Variants in RNF213 observed in about 807,000 individuals in gnomAD.
RNF213 encodes the protein E3 ubiquitin-protein ligase RNF213.
Under a neutral mutation model 514.4 loss-of-function variants are expected in RNF213, and 341 were observed. The ratio of observed to expected loss-of-function variants is 0.66; its 90% CI spans 0.61 to 0.73. The LOEUF is 0.73. Ranked by LOEUF, RNF213 falls within the 30% of genes least tolerant of loss-of-function variation. The probability of loss-of-function intolerance (pLI) is 0.00; values close to 1 mark genes in which losing one functional copy is unlikely to be tolerated. For missense variants in RNF213, 5,767 were observed against 6,615.6 expected (o/e 0.87, Z 4.45); for synonymous variants, 2,655 against 2,658.2 (o/e 1.00, Z 0.04).
chr17:80,345,064 A>G lies in RNF213; in HGVS notation c.6729A>G (p.Thr2243=), dbSNP rs1198419869. Residue 2243 remains threonine, a synonymous_variant, in exon 29 of 68, where the codon ACA becomes ACG. Transcript: ENST00000582970. This position sits in a 1 kb window ranked among gnomAD's most constrained non-coding sequence, Gnocchi z 6.0. The part of the protein sequence containing the change: ...LFCNPSFIGD[T]LRGFKKFVVT... ...GCAATCCGAGTTTTATTGGCGACAC[A>G]CTGAGGGGCTTCAAGAAGTTCGTGG... 6.2e-7 allele frequency: 1 copy of G among 1,614,082 alleles called. No individual in the cohort carries two copies. The highest frequency in any genetic ancestry group is 8.5e-7 in the Non-Finnish European group (1 of 1,180,006).
In RNF213 at chr17:80,291,730, A is replaced by C. The variant is rs1279629998; in HGVS notation, c.1374A>C (p.Glu458Asp). ...IPYKYVIYNG[E>D]SFEYEFIYKH... ...ACAAGTACGTCATTTATAATGGGGA[A>C]TCTTTTGAGTATGAGTTCATTTACA... The change falls in exon 8 of 68, where the codon GAA (glutamate) becomes GAC (aspartate). Residue 458 changes from glutamate to aspartate, a missense_variant. This residue lies in a region of RNF213 where 592 missense variants were observed against 673.9 expected (regional missense o/e 0.88). Coordinates refer to ENST00000582970, the MANE Select transcript of RNF213 (RefSeq NM_001256071.3). 2.5e-6 allele frequency: 4 copies of C among 1,614,108 alleles called. No homozygotes were observed. The highest frequency in any genetic ancestry group is 2.5e-6 in the Non-Finnish European group (3 of 1,180,048).
chr17:80,284,201 CAA>C (rs138713917), intron 3 of RNF213, among the ~76,000 whole-genome samples: 3 of 141,118 alleles, frequency 2.1e-5, no homozygotes, highest in Admixed American at 7.1e-5. Flanking sequence ...TACAAAAATA[CAA>C]AAAAAAAAAA....
At chr17:80,273,916 G>A (rs113004646) in intron 3 of RNF213, among the ~76,000 whole-genome samples, 1,784 of 152,130 alleles carry the variant, frequency 0.012, 28 homozygotes, top group African/African-American at 0.041. Flanking sequence ...CACCGCGCCC[G>A]GCCTCCACCT....
rs1432522554 is a variant in RNF213 at position 80,285,748 on chromosome 17, G to A, written c.262-2067G>A. 2.7e-5 allele frequency among the ~76,000 whole-genome samples: 4 copies of A among 149,342 alleles called. No homozygotes were observed. The South Asian group carries it at 8.8e-4, about 33-fold the overall frequency. ...TGCAGTTGCGTAATATCGGCTGACC[G>A]CAGCCTCTGCCTCCCGGGTTCAAGC... On this transcript the variant is annotated intron_variant, in intron 3 of 67. Transcript: ENST00000582970.
rs367799805 is a variant in RNF213 at position 80,386,295 on chromosome 17, T to C, written c.14585T>C (p.Leu4862Pro). The C allele has an allele frequency of 5.0e-6, 8 of 1,613,306 alleles. No individual in the cohort carries two copies. Among genetic ancestry groups the C allele is most frequent in the African/African-American group, 1.3e-5 (1 of 75,070 alleles). The change falls in exon 62 of 68, where the codon CTG becomes CCG. Residue 4862 changes from leucine to proline, a missense_variant. Transcript: ENST00000582970. ...GACTACTGCAGCACTGACTTGGATC[T>C]GGACACTGAGTTTGAGATCCTCTTG... Reference protein sequence around the residue: ...PKDYCSTDLDLDTEFEILLPR... With the variant: ...PKDYCSTDLDPDTEFEILLPR...
chr17:80,301,545 A>G (rs8079922), intron 11 of RNF213, among the ~76,000 whole-genome samples: 26,573 of 152,184 alleles, frequency 0.17, 2,457 homozygotes, highest in African/African-American at 0.2. Flanking sequence ...ATATGAAAAA[A>G]TGATCAGCAT....
At position 80,339,499 on chromosome 17, in the gene RNF213, A is replaced by G. The variant is rs2078086121; in HGVS notation, c.5132A>G (p.Tyr1711Cys). 2 of 1,537,176 alleles carry G rather than the reference A, an allele frequency of 1.3e-6. No individual in the cohort carries two copies. Among genetic ancestry groups the G allele is most frequent in the East Asian group, 4.9e-5 (2 of 40,910 alleles). ...LNFYTAEQLVYLSTELRKQPP... is the reference protein window; with the variant it reads ...LNFYTAEQLVCLSTELRKQPP... ...TTCTACACGGCAGAGCAGCTGGTTT[A>G]CCTGAGCACTGAGCTCAGGAAGCAG... Residue 1711 changes from tyrosine to cysteine, a missense_variant, in exon 26 of 68, where the codon TAC (tyrosine) becomes TGC (cysteine). Transcript: ENST00000582970.
chr17:80,315,582 A>ATGGTGGTCG (rs2045876757), intron 15 of RNF213: 1 of 2,120 alleles, frequency 4.7e-4, no homozygotes, highest in Non-Finnish European at 8.7e-4. Flanking sequence ...AATGGAGGTG[A>ATGGTGGTCG]TGGTGGTGGT....
intron 57 of RNF213, 95 bp from the exon 58 acceptor site, chr17:80,382,884 T>C: frequency 1.3e-6 from 1 of 775,626 alleles, no homozygotes; most frequent in Non-Finnish European, 2.3e-6. Context: ...AAAACGAGTG[T>C]TATTTCTATT....
At position 80,396,798 on chromosome 17, in the gene RNF213, T is replaced by C. The variant is rs1002119389; in HGVS notation, c.*3300T>C. 5.7e-5 allele frequency: 7 copies of C among 123,704 alleles called. No homozygotes were observed. Among genetic ancestry groups the C allele is most frequent in the African/African-American group, 1.8e-4 (6 of 32,654 alleles). 7.7% of individuals were successfully genotyped at this position (123,704 alleles called of 1,614,324 possible). A position where few individuals can be genotyped will look rare whatever the true frequency, so the allele number is the denominator to read the frequency against. On this transcript the variant is annotated 3_prime_UTR_variant, in exon 68 of 68. Coordinates refer to ENST00000582970, the MANE Select transcript of RNF213 (RefSeq NM_001256071.3). ...ACACCTAATCACCCTCTCTGCAGGA[T>C]ATGCTGGGGATAGCCCTTTTGAGGA... is the stretch of plus-strand genomic sequence containing the variant.
intron 11 of RNF213, among the ~76,000 whole-genome samples, chr17:80,304,601 C>T (rs933530481): frequency 6.6e-6 from 1 of 152,082 alleles, no homozygotes; most frequent in Non-Finnish European, 1.5e-5. Flanking sequence ...GATCACACCA[C>T]TGCACTCCAG....
rs769502797 is a variant in RNF213 at position 80,372,604 on chromosome 17, A to G, written c.12621A>G (p.Ala4207=). 2 of 1,614,072 alleles carry G rather than the reference A, an allele frequency of 1.2e-6. No individual in the cohort carries two copies. Among genetic ancestry groups the G allele is most frequent in the South Asian group, 1.1e-5 (1 of 91,048 alleles). Residue 4207 remains alanine, a synonymous_variant, in exon 48 of 68, where the codon GCA becomes GCG. Coordinates refer to ENST00000582970, the MANE Select transcript of RNF213 (RefSeq NM_001256071.3). The part of the protein sequence containing the change: ...HLEEEGRFLK[A]YSPASRGREP... The stretch of plus-strand genomic sequence containing the variant: ...AAGAGGAAGGTCGTTTCCTTAAGGC[A>G]TATTCTCCAGCAAGCCGGGGCCGAG...
chr17:80,363,493 T>C (rs1018043347), intron 40 of RNF213, 116 bp from the exon 41 acceptor site: 6 of 1,317,148 alleles, frequency 4.6e-6, no homozygotes, highest in Non-Finnish European at 3.2e-6. Flanking sequence ...TCCTAGACAA[T>C]GAAAGTTTAG....
At chr17:80,295,484 C>T (rs2044901818) in intron 9 of RNF213, 73 bp from the exon 10 acceptor site, 1 of 1,594,372 alleles carries the variant, frequency 6.3e-7, no homozygotes, top group Admixed American at 1.7e-5. Context: ...AGCTGTGGTG[C>T]TGGGGCAGCT....
chr17:80,273,662 C>T (rs1340656024), intron 3 of RNF213, among the ~76,000 whole-genome samples: 1 of 146,984 alleles, frequency 6.8e-6, no homozygotes, highest in East Asian at 2.0e-4. Context: ...TCTTGTTGCC[C>T]AGGCTGGAGT....
chr17:80,327,807 T>A lies in RNF213; in HGVS notation c.3194-9T>A. 6.5e-7 allele frequency: 1 copy of A among 1,532,428 alleles called. No homozygotes were observed. Among genetic ancestry groups the A allele is most frequent in the East Asian group, 2.4e-5 (1 of 40,830 alleles). 94.9% of individuals were successfully genotyped at this position (1,532,428 alleles called of 1,614,324 possible). ...CCCACTGTGTTAACTGTGTTCTTCA[T>A]CTATTCAGGAACCGACGAGAAAATA... On this transcript the variant is annotated splice_polypyrimidine_tract_variant and intron_variant, in intron 18 of 67. Transcript: ENST00000582970.
intron 58 of RNF213, 123 bp downstream of exon 58, chr17:80,383,193 C>A: frequency 1.4e-6 from 1 of 726,674 alleles, no homozygotes; most frequent in Non-Finnish European, 2.5e-6. Context: ...TTTGACTGAG[C>A]CCCAGATTCC....
At chr17:80,382,836 T>C in intron 57 of RNF213, 143 bp from the exon 58 acceptor site, 1 of 663,598 alleles carries the variant, frequency 1.5e-6, no homozygotes, top group Non-Finnish European at 2.8e-6. Context: ...CAGGAACTAC[T>C]TCAAAATACT....
chr17:80,354,005 G>A lies in RNF213; in HGVS notation c.10579-14G>A, dbSNP rs370819113. Reference sequence around the variant, plus strand: ...AGTGGCAGAAACGGATGACCCAACCGTCTCCACCAACAGGTGTCGATCCTG... The same window carrying A: ...AGTGGCAGAAACGGATGACCCAACCATCTCCACCAACAGGTGTCGATCCTG... On this transcript the variant is annotated splice_polypyrimidine_tract_variant and intron_variant, in intron 34 of 67. Transcript: ENST00000582970. The A allele has an allele frequency of 4.3e-5, 70 of 1,613,464 alleles. No homozygotes were observed. Among genetic ancestry groups the A allele is most frequent in the Middle Eastern group, 1.6e-4 (1 of 6,082 alleles).
Sources: allele counts gnomAD v4.1 joint callset (sites outside exome capture counted in the v4.1 genomes callset), GRCh38; gene constraint gnomAD v4.1.1; regional missense constraint gnomAD v4.1.1; non-coding constraint Gnocchi (gnomAD v3.1); transcripts MANE v1.5; gene names NCBI Gene and HGNC (gene_info 2026-07-23, HGNC 2026-07-21).